Variants in ADH1B observed in about 807,000 individuals in gnomAD.
ADH1B encodes alcohol dehydrogenase 1B (class I), beta polypeptide.
ADH1B carries 29 observed loss-of-function variants against 34.6 expected under a neutral mutation model. That is an observed-to-expected ratio of 0.84 (90% CI 0.62 to 1.14). ADH1B has a LOEUF of 1.14. Ranked by LOEUF, ADH1B falls within the 50% of genes most tolerant of loss-of-function variation. The probability of loss-of-function intolerance (pLI) is 0.00; values close to 1 mark genes in which losing one functional copy is unlikely to be tolerated. For missense variants in ADH1B, 424 were observed against 468.4 expected, an observed-to-expected ratio of 0.91 and a Z score of 0.87; for synonymous variants, 170 against 175.5, an observed-to-expected ratio of 0.97 and a Z score of 0.25.
chr4:99,306,330 A>C lies in ADH1B; in HGVS notation c.*1510T>G, dbSNP rs1733610359. ...CCCACCCCGCTTTAGCATTTTTGAC[A>C]AAACAATCAGGTTACCCACATTTAC... is the stretch of plus-strand genomic sequence containing the variant. On this transcript the variant is annotated 3_prime_UTR_variant, in exon 9 of 9. Transcript: ENST00000305046. 6.6e-6 allele frequency: 1 copy of C among 151,972 alleles called. No individual in the cohort carries two copies. Among genetic ancestry groups the C allele is most frequent in the South Asian group, 2.1e-4 (1 of 4,806 alleles). 9.4% of individuals were successfully genotyped at this position (151,972 alleles called of 1,614,324 possible).
intron 8 of ADH1B, among the ~76,000 whole-genome samples, chr4:99,309,816 T>G (rs1179896438): frequency 6.6e-6 from 1 of 152,124 alleles, no homozygotes; most frequent in Admixed American, 6.5e-5. Context: ...AGACTGACAC[T>G]GAGCATTGTT....
In ADH1B at chr4:99,311,657, C is replaced by T. The variant is rs1387786398; in HGVS notation, c.829-1G>A. On this transcript the variant is annotated splice_acceptor_variant, in intron 6 of 8. Transcript: ENST00000305046. LOFTEE classifies it high-confidence loss of function. ...CATGACAACATAACAGGGAAGCCAT[C>T]TGGAATAAAGTGAATATTTAGCATC... 2.0e-5 allele frequency: 32 copies of T among 1,613,422 alleles called. No individual in the cohort carries two copies. Among genetic ancestry groups the T allele is most frequent in the Non-Finnish European group, 2.7e-5 (32 of 1,179,762 alleles).
chr4:99,319,682 A>T (rs1334198890), intron 1 of ADH1B: 1 of 152,208 alleles, frequency 6.6e-6, no homozygotes, highest in Non-Finnish European at 1.5e-5. Flanking sequence ...GATGTTCTTA[A>T]AAATAAAGTT....
At position 99,306,784 on chromosome 4, in the gene ADH1B, T is replaced by C. The variant is rs762237283; in HGVS notation, c.*1056A>G. 1 of 152,228 alleles carries C rather than the reference T, an allele frequency of 6.6e-6. No individual in the cohort carries two copies. The highest frequency in any genetic ancestry group is 1.5e-5 in the Non-Finnish European group (1 of 68,028). 9.4% of individuals were successfully genotyped at this position (152,228 alleles called of 1,614,324 possible). ...GGATTATAGACTTGATTTTAAGACATGGTAGTTAATAGAAAAGTTCTAGAT... is the reference window on the plus strand; with the variant it reads ...GGATTATAGACTTGATTTTAAGACACGGTAGTTAATAGAAAAGTTCTAGAT... On this transcript the variant is annotated 3_prime_UTR_variant, in exon 9 of 9. Transcript: ENST00000305046.
intron 7 of ADH1B, 152 bp downstream of exon 7, chr4:99,311,369 T>C (rs759909788): frequency 1.5e-5 from 15 of 989,864 alleles, no homozygotes; most frequent in Non-Finnish European, 2.2e-5. Flanking sequence ...ATTTGGAGAC[T>C]GTAGATAGAA....
In ADH1B at chr4:99,316,217, A is replaced by T. The variant is rs757632781; in HGVS notation, c.345T>A (p.Asn115Lys). 8.1e-6 allele frequency: 13 copies of T among 1,613,986 alleles called. No homozygotes were observed. The highest frequency in any genetic ancestry group is 3.3e-5 in the Admixed American group (2 of 60,000). Residue 115 changes from asparagine (N) to lysine (K), a missense_variant and splice_region_variant, in exon 4 of 9, where the codon AAT becomes AAA. Asn to Lys is a moderately conservative substitution (Grantham distance 94). Transcript: ENST00000305046. Reference sequence around the variant, plus strand: ...CAAAGAGAGCATCAGAAACCTACTCATTTTTCAAGCAGTAGTTGCTCTCCG... The same window carrying T: ...CAAAGAGAGCATCAGAAACCTACTCTTTTTTCAAGCAGTAGTTGCTCTCCG... ...KNPESNYCLK[N>K]DLGNPRGTLQ... is the part of the protein sequence containing the mutation.
intron 5 of ADH1B, 144 bp downstream of exon 5, chr4:99,315,754 T>C: frequency 1.0e-6 from 1 of 957,236 alleles, no homozygotes; most frequent in Non-Finnish European, 1.6e-6. Context: ...GCATGTGTAC[T>C]CAATTCTTTC....
In ADH1B at chr4:99,318,076, C is replaced by T; in HGVS notation, c.229G>A (p.Val77Ile). 3 of 1,614,108 alleles carry T rather than the reference C, an allele frequency of 1.9e-6. No homozygotes were observed. Among genetic ancestry groups the T allele is most frequent in the South Asian group, 2.2e-5 (2 of 91,082 alleles). The change falls in exon 3 of 9, where the codon GTT becomes ATT. Residue 77 changes from valine (V) to isoleucine (I), a missense_variant. By Grantham distance (29) the Val-to-Ile change is conservative (BLOSUM62 3). Transcript: ENST00000305046. ...GHEAAGIVESVGEGVTTVKPG... is the reference protein window; with the variant it reads ...GHEAAGIVESIGEGVTTVKPG... ...TTGACTGTAGTCACCCCTTCTCCAACACTCTCCACGATGCCGGCTGCCTCA... is the reference window on the plus strand; with the variant it reads ...TTGACTGTAGTCACCCCTTCTCCAATACTCTCCACGATGCCGGCTGCCTCA...
At position 99,315,887 on chromosome 4, in the gene ADH1B, G is replaced by T; in HGVS notation, c.567+11C>A. 1 of 1,614,100 alleles carries T rather than the reference G, an allele frequency of 6.2e-7. No homozygotes were observed. The highest frequency in any genetic ancestry group is 1.3e-5 in the African/African-American group (1 of 75,022). On this transcript the variant is annotated intron_variant, in intron 5 of 8. Coordinates refer to ENST00000305046, the MANE Select transcript of ADH1B (RefSeq NM_000668.6). ...CATGTAAGCAGTTTTATCACCCATTGTCATTCTCACCTTGGCAACGTTAAC... is the reference window on the plus strand; with the variant it reads ...CATGTAAGCAGTTTTATCACCCATTTTCATTCTCACCTTGGCAACGTTAAC...
chr4:99,316,100 C>G lies in ADH1B; in HGVS notation c.365G>C (p.Gly122Ala), dbSNP rs377127252. Residue 122 changes from glycine (G) to alanine (A), a missense_variant, in exon 5 of 9, where the codon GGG becomes GCG. By Grantham distance (60) the Gly-to-Ala change is moderately conservative. This residue lies in a region of ADH1B where 291 missense variants were observed against 300.4 expected (regional missense o/e 0.97). Transcript: ENST00000305046. The stretch of plus-strand genomic sequence containing the variant: ...CCTCCTGGTGCCATCCTGCAGGGTC[C>G]CCCGAGGATTGCCTAGACTGGGCAG... ...CLKNDLGNPR[G>A]TLQDGTRRFT... 1.2e-6 allele frequency: 2 copies of G among 1,614,148 alleles called. No individual in the cohort carries two copies. Among genetic ancestry groups the G allele is most frequent in the Non-Finnish European group, 1.7e-6 (2 of 1,180,008 alleles).
intron 5 of ADH1B, 98 bp from the exon 6 acceptor site, chr4:99,314,179 C>A: frequency 6.6e-7 from 1 of 1,522,350 alleles, no homozygotes; most frequent in Non-Finnish European, 8.8e-7. Context: ...TCAAGAACTA[C>A]TCAGACTCTT....
intron 3 of ADH1B, chr4:99,316,672 A>G (rs1272975345): frequency 6.2e-6 from 1 of 162,152 alleles, no homozygotes; most frequent in Admixed American, 6.1e-5. Flanking sequence ...AAGTATAAAT[A>G]TAAATTTTAG....
At chr4:99,315,595 GCTCT>G (rs1364185644) in intron 5 of ADH1B, 8 of 437,228 alleles carry the variant, frequency 1.8e-5, no homozygotes, top group Admixed American at 7.4e-5. Flanking sequence ...ATTTATAGGT[GCTCT>G]CTAATCGTTG....
chr4:99,310,915 A>G lies in ADH1B; in HGVS notation c.965-12T>C. ...TTTACTCTTAAAGCCTGAAAAGAAG[A>G]CAGTATCATTGTTGGATTCAGCTAG... On this transcript the variant is annotated splice_polypyrimidine_tract_variant and intron_variant, in intron 7 of 8. Coordinates refer to ENST00000305046, the MANE Select transcript of ADH1B (RefSeq NM_000668.6). The G allele has an allele frequency of 6.2e-7, 1 of 1,610,668 alleles. No homozygotes were observed. The highest frequency in any genetic ancestry group is 1.1e-5 in the South Asian group (1 of 89,948).
intron 1 of ADH1B, 194 bp from the exon 2 acceptor site, chr4:99,319,080 A>G (rs1436776522): frequency 1.4e-6 from 1 of 739,758 alleles, no homozygotes; most frequent in Non-Finnish European, 2.4e-6. Context: ...AGGAAAGATA[A>G]ACAAAGTATA....
At chr4:99,318,246 AC>A in intron 2 of ADH1B, 62 bp from the exon 3 acceptor site, 1 of 1,591,506 alleles carries the variant, frequency 6.3e-7, no homozygotes, top group Non-Finnish European at 8.6e-7. Context: ...AATTTAACAT[AC>A]CCAAATTCCT....
chr4:99,314,039 C>A lies in ADH1B; in HGVS notation c.610G>T (p.Val204Phe), dbSNP rs775870751. The change falls in exon 6 of 9, where the codon GTC becomes TTC. Residue 204 changes from valine to phenylalanine, a missense_variant. By Grantham distance (50) the Val-to-Phe change is conservative. Coordinates refer to ENST00000305046, the MANE Select transcript of ADH1B (RefSeq NM_000668.6). The part of the protein sequence containing the change: ...STCAVFGLGG[V>F]GLSAVMGCKA... ...CAGCCCATAACAGCAGATAGGCCGA[C>A]CCCTCCCAGGCCAAACACAGCACAG... 3.7e-6 allele frequency: 6 copies of A among 1,614,106 alleles called. No individual in the cohort carries two copies. The Admixed American group carries it at 8.3e-5, about 22-fold the overall frequency.
intron 3 of ADH1B, 120 bp downstream of exon 3, chr4:99,317,926 T>G: frequency 2.6e-6 from 4 of 1,510,570 alleles, no homozygotes; most frequent in Non-Finnish European, 3.6e-6. Context: ...ACTCCTGAAG[T>G]CCTGGCTGCG....
chr4:99,313,797 C>G, intron 6 of ADH1B, 24 bp downstream of exon 6: 1 of 1,613,008 alleles, frequency 6.2e-7, no homozygotes, highest in South Asian at 1.1e-5. Flanking sequence ...AGGCAGAAAT[C>G]TCAGGGCATG....
Sources: allele counts gnomAD v4.1 joint callset (sites outside exome capture counted in the v4.1 genomes callset), GRCh38; gene constraint gnomAD v4.1.1; regional missense constraint gnomAD v4.1.1; transcripts MANE v1.5; gene names NCBI Gene and HGNC (gene_info 2026-07-23, HGNC 2026-07-21).